PRELID2: variants seen among roughly 807,000 people sequenced by gnomAD.
The protein encoded by PRELID2 is PRELI domain-containing protein 2.
In PRELID2, 25 loss-of-function variants were observed where a neutral mutation model predicts 28.4. The observed-to-expected ratio is 0.88, with a 90% confidence interval of 0.64 to 1.23. The LOEUF is 1.23. PRELID2 is among the 50% of genes most tolerant of loss of function. The probability of loss-of-function intolerance (pLI) is 0.00; values close to 1 mark genes in which losing one functional copy is unlikely to be tolerated. For missense variants in PRELID2, 201 were observed against 214.4 expected (o/e 0.94, Z 0.39); for synonymous variants, 76 against 71.6 (o/e 1.06, Z -0.31).
At chr5:145,311,589 T>G in the PRELID2 span, among the ~76,000 whole-genome samples, 1 of 152,302 alleles carries the variant, frequency 6.6e-6, no homozygotes, top group East Asian at 1.9e-4. Flanking sequence ...TATGCACTAT[T>G]TTCTGGCAAA....
At chr5:145,536,440 TACA>T (rs1031650043) in intron 1 of PRELID2, among the ~76,000 whole-genome samples, 5 of 151,938 alleles carry the variant, frequency 3.3e-5, no homozygotes, top group Non-Finnish European at 5.9e-5. Context: ...ACGGACTTTG[TACA>T]ACGAGTTCAA....
chr5:145,685,751 G>C (rs1451191698), intron 1 of PRELID2, among the ~76,000 whole-genome samples: 1 of 152,132 alleles, frequency 6.6e-6, no homozygotes, highest in Admixed American at 6.5e-5. Context: ...CCAGTGTATA[G>C]AGAAAAGAGG....
chr5:145,433,663 C>T, the PRELID2 span, among the ~76,000 whole-genome samples: 1 of 152,132 alleles, frequency 6.6e-6, no homozygotes, highest in Non-Finnish European at 1.5e-5. Context: ...TGGCAGAATC[C>T]TCTTCCAACT....
At chr5:145,231,359 G>C in the PRELID2 span, among the ~76,000 whole-genome samples, 1 of 152,032 alleles carries the variant, frequency 6.6e-6, no homozygotes, top group African/African-American at 2.4e-5. Context: ...CACCTGTGCA[G>C]TAAACACTGA....
chr5:145,795,249 T>C (rs1429976441), intron 5 of PRELID2: 2 of 152,122 alleles, frequency 1.3e-5, no homozygotes, highest in Non-Finnish European at 2.9e-5. Flanking sequence ...AATTGCAATA[T>C]AGCAGAAAAA....
the PRELID2 span, among the ~76,000 whole-genome samples, chr5:145,413,090 C>A: frequency 6.6e-6 from 1 of 151,970 alleles, no homozygotes; most frequent in Non-Finnish European, 1.5e-5. Flanking sequence ...CACTATGCAT[C>A]CAACAAAAGA....
the PRELID2 span, among the ~76,000 whole-genome samples, chr5:145,379,791 G>A: frequency 6.6e-6 from 1 of 152,162 alleles, no homozygotes; most frequent in Non-Finnish European, 1.5e-5. Flanking sequence ...ACCTGCAGGA[G>A]CTCTGCAAGT....
At chr5:145,780,626 G>T (rs529818593) in intron 5 of PRELID2, among the ~76,000 whole-genome samples, 59 of 152,102 alleles carry the variant, frequency 3.9e-4, no homozygotes, top group Non-Finnish European at 7.9e-4. Context: ...TTTGTTTAAA[G>T]ATTTTAAAAG....
the PRELID2 span, among the ~76,000 whole-genome samples, chr5:145,445,523 A>G: frequency 6.6e-6 from 1 of 152,058 alleles, no homozygotes; most frequent in Non-Finnish European, 1.5e-5. Context: ...AAATAAACAA[A>G]TGGAATTTTA....
chr5:145,545,690 C>T (rs970465372), intron 1 of PRELID2, among the ~76,000 whole-genome samples: 1 of 152,092 alleles, frequency 6.6e-6, no homozygotes, highest in African/African-American at 2.4e-5. Flanking sequence ...AAGAATGGAA[C>T]CCATCTGTCC....
chr5:145,392,730 AAAGG>A, the PRELID2 span, among the ~76,000 whole-genome samples: 203 of 151,928 alleles, frequency 1.3e-3, no homozygotes, highest in East Asian at 2.7e-3. Context: ...AAGAAGGAAG[AAAGG>A]AAGGAAGGAA....
At chr5:145,241,078 G>C in the PRELID2 span, among the ~76,000 whole-genome samples, 1 of 151,980 alleles carries the variant, frequency 6.6e-6, no homozygotes, top group Admixed American at 6.6e-5. Context: ...AGAATTAAGT[G>C]ATTTGACCCA....
At chr5:145,256,434 G>A in the PRELID2 span, among the ~76,000 whole-genome samples, 8 of 151,702 alleles carry the variant, frequency 5.3e-5, no homozygotes, top group Non-Finnish European at 1.2e-4. Flanking sequence ...TGATTACATT[G>A]GGTTCACCCA....
intron 1 of PRELID2, among the ~76,000 whole-genome samples, chr5:145,484,459 T>C (rs922094870): frequency 1.3e-5 from 2 of 152,256 alleles, no homozygotes; most frequent in Non-Finnish European, 2.9e-5. Context: ...TTAGCTCTTC[T>C]ATTTCTTATT....
At chr5:145,571,270 T>C (rs929548205) in intron 1 of PRELID2, among the ~76,000 whole-genome samples, 1 of 152,166 alleles carries the variant, frequency 6.6e-6, no homozygotes, top group African/African-American at 2.4e-5. Context: ...GAATGGGCAC[T>C]TCCTCTTGGC....
chr5:145,335,880 G>T, the PRELID2 span, among the ~76,000 whole-genome samples: 1 of 152,176 alleles, frequency 6.6e-6, no homozygotes. Context: ...CTTGTTTACA[G>T]TCCCACCAAC....
chr5:145,509,428 T>C (rs1171781674), intron 1 of PRELID2, among the ~76,000 whole-genome samples: 2 of 152,316 alleles, frequency 1.3e-5, no homozygotes, highest in East Asian at 3.9e-4. Flanking sequence ...GAATTCTAAG[T>C]GGCATTTTAG....
the PRELID2 span, among the ~76,000 whole-genome samples, chr5:145,232,692 TA>T: frequency 1.3e-5 from 2 of 152,120 alleles, no homozygotes; most frequent in African/African-American, 4.8e-5. Context: ...AAATTCTGGA[TA>T]AATTACCTCT....
downstream of PRELID2, among the ~76,000 whole-genome samples, chr5:145,752,529 G>A (rs530414774): frequency 1.2e-4 from 19 of 152,242 alleles, 1 homozygote; most frequent in African/African-American, 3.6e-4. Context: ...GGCAGGGTTC[G>A]GGAGACGGAT....
Sources: gnomAD v4.1 joint callset for allele counts (sites outside exome capture counted in the v4.1 genomes callset) on GRCh38, gnomAD v4.1.1 for gene constraint, MANE v1.5 for transcripts, NCBI Gene and HGNC (gene_info 2026-07-23, HGNC 2026-07-21) for gene names.